FAM168B: variants seen among roughly 807,000 people sequenced by gnomAD.
The protein encoded by FAM168B is myelin-associated neurite-outgrowth inhibitor.
Under a neutral mutation model 21.8 loss-of-function variants are expected in FAM168B, and 19 were observed. The ratio of observed to expected loss-of-function variants is 0.87; its 90% confidence interval spans 0.61 to 1.28. The LOEUF is 1.28. Among genes scored for constraint, FAM168B ranks in the 50% most tolerant of loss-of-function variants. FAM168B has a pLI of 0.00. For missense variants in FAM168B, 233 were observed against 263.1 expected (o/e 0.89, Z 0.79); for synonymous variants, 126 against 104.8 (o/e 1.20, Z -1.24).
chr2:131,078,071 A>C (rs1045247822), intron 2 of FAM168B, among the ~76,000 whole-genome samples: 4 of 152,210 alleles, frequency 2.6e-5, no homozygotes, highest in Non-Finnish European at 5.9e-5. Context: ...AAAAGAAGAC[A>C]TCATCAGTGA....
At chr2:131,072,038 C>CTG in intron 2 of FAM168B, 100 bp from the exon 3 acceptor site, 1 of 1,040,074 alleles carries the variant, frequency 9.6e-7, no homozygotes, top group East Asian at 2.4e-5. Context: ...CCCCAGAACT[C>CTG]CACAGACTTA....
At chr2:131,089,418 A>G (rs1043939434) in intron 1 of FAM168B, among the ~76,000 whole-genome samples, 1 of 151,988 alleles carries the variant, frequency 6.6e-6, no homozygotes, top group Non-Finnish European at 1.5e-5. Context: ...AATCATAATC[A>G]GAAGAAAACT....
rs1691828279 is a variant in FAM168B, at chr2:131,053,604, CAG to C, written c.476-591_476-590del. Among the ~76,000 whole-genome samples the C allele has an allele frequency of 2.0e-5, 3 of 152,278 alleles. No individual in the cohort carries two copies. In the South Asian group the frequency reaches 6.2e-4, roughly 32 times the overall value. ...AAAAAGGGTTAAGATGGGCTGGGCA[CAG>C]GGGCTCATGTCTGTAATCCCAACAC... is the stretch of plus-strand genomic sequence containing the variant. On this transcript the variant is annotated intron_variant, in intron 5 of 6. Transcript: ENST00000389915.
intron 1 of FAM168B, among the ~76,000 whole-genome samples, chr2:131,088,756 A>C (rs1249405774): frequency 6.6e-6 from 1 of 152,220 alleles, no homozygotes; most frequent in Non-Finnish European, 1.5e-5. Flanking sequence ...AATGCTAATA[A>C]TCTTTACATC....
At position 131,055,574 on chromosome 2, in the gene FAM168B, G is replaced by A; in HGVS notation, c.276C>T (p.Pro92=). 1 of 1,605,498 alleles carries A rather than the reference G, an allele frequency of 6.2e-7. No individual in the cohort carries two copies. The highest frequency in any genetic ancestry group is 8.5e-7 in the Non-Finnish European group (1 of 1,175,632). ...TAVYPVRSAY[P]QQSPYAQQGT... ...ATACCTGTGCATACGGGCTCTGCTG[G>A]GGGTAGGCACTTCGCACAGGGTACA... Residue 92 remains proline (P), a synonymous_variant, in exon 4 of 7, where the codon CCC becomes CCT. Transcript: ENST00000389915.
intron 3 of FAM168B, among the ~76,000 whole-genome samples, chr2:131,061,738 C>T (rs1049835042): frequency 6.0e-5 from 9 of 150,734 alleles, no homozygotes; most frequent in African/African-American, 2.0e-4. Context: ...GCAGAGACTG[C>T]GGCAATGCAC....
At chr2:131,084,770 G>A (rs1166349427) in intron 1 of FAM168B, among the ~76,000 whole-genome samples, 7 of 151,808 alleles carry the variant, frequency 4.6e-5, no homozygotes, top group Admixed American at 2.0e-4. Flanking sequence ...TTTTTTAGAC[G>A]TGGTCTCGCT....
rs1157546667 is a variant in FAM168B, at chr2:131,049,968, T to C, written c.*2497A>G. 1 of 985,396 alleles carries C rather than the reference T, an allele frequency of 1.0e-6. No homozygotes were observed. Among genetic ancestry groups the C allele is most frequent in the Non-Finnish European group, 1.2e-6 (1 of 829,952 alleles). The allele number at this position is 985,396 out of a possible 1,614,324, so 61.0% of individuals were successfully genotyped here. A position where few individuals can be genotyped will look rare whatever the true frequency, so the allele number is the denominator to read the frequency against. ...ATTCTTACCTGATATCTACCTTTCG[T>C]ATCTGACAGCTGACGTCCTAAAAAT... On this transcript the variant is annotated 3_prime_UTR_variant, in exon 7 of 7. Coordinates refer to ENST00000389915, the MANE Select transcript of FAM168B (RefSeq NM_001009993.4).
chr2:131,068,666 T>C (rs1692696179), intron 3 of FAM168B, among the ~76,000 whole-genome samples: 1 of 152,040 alleles, frequency 6.6e-6, no homozygotes, highest in Non-Finnish European at 1.5e-5. Context: ...AGAGCAGTCT[T>C]GGAAAAGGGA....
chr2:131,088,017 G>A (rs954571729), intron 1 of FAM168B, among the ~76,000 whole-genome samples: 1 of 152,138 alleles, frequency 6.6e-6, no homozygotes, highest in African/African-American at 2.4e-5. Flanking sequence ...AGGCCGATGA[G>A]GGCGGATCAC....
intron 3 of FAM168B, among the ~76,000 whole-genome samples, chr2:131,070,482 G>C (rs575286733): frequency 9.8e-5 from 15 of 152,336 alleles, no homozygotes; most frequent in African/African-American, 3.6e-4. Context: ...TTGGAAGACA[G>C]TTTGGCAGTT....
chr2:131,059,694 C>G (rs185029015), intron 3 of FAM168B, among the ~76,000 whole-genome samples: 2 of 152,222 alleles, frequency 1.3e-5, no homozygotes, highest in East Asian at 3.9e-4. Context: ...ACAGTTTAAA[C>G]AAACAAACCC....
intron 2 of FAM168B, among the ~76,000 whole-genome samples, chr2:131,075,137 C>T (rs1693075914): frequency 6.6e-6 from 1 of 152,020 alleles, no homozygotes; most frequent in Non-Finnish European, 1.5e-5. Context: ...ACTGGAAAGA[C>T]CAGGACAGCA....
In FAM168B at chr2:131,051,214, C is replaced by T. The variant is rs367553885; in HGVS notation, c.*1251G>A. 8 of 984,914 alleles carry T rather than the reference C, an allele frequency of 8.1e-6. No individual in the cohort carries two copies. Among genetic ancestry groups the T allele is most frequent in the African/African-American group, 1.7e-5 (1 of 57,168 alleles). The allele number at this position is 984,914 out of a possible 1,614,324, so 61.0% of individuals were successfully genotyped here. ...GCCTCCCCCTCGCCCCATCTCTAAG[C>T]GTCCCCTCCAGCCGGCCTCAGCAGA... On this transcript the variant is annotated 3_prime_UTR_variant, in exon 7 of 7. Coordinates refer to ENST00000389915, the MANE Select transcript of FAM168B (RefSeq NM_001009993.4).
intron 5 of FAM168B, among the ~76,000 whole-genome samples, chr2:131,053,830 G>A (rs1193975576): frequency 6.6e-6 from 1 of 152,030 alleles, no homozygotes; most frequent in Admixed American, 6.6e-5. Flanking sequence ...AACTGTGATC[G>A]CACCACTGCA....
intron 1 of FAM168B, among the ~76,000 whole-genome samples, chr2:131,086,094 A>T (rs1425536554): frequency 6.6e-6 from 1 of 152,192 alleles, no homozygotes; most frequent in Non-Finnish European, 1.5e-5. Flanking sequence ...AGGAATAAAC[A>T]TACTAGCAAC....
At position 131,055,467 on chromosome 2, in the gene FAM168B, A is replaced by G. The variant is rs576151507; in HGVS notation, c.298-18T>C. The stretch of plus-strand genomic sequence containing the variant: ...GTGCCTTGCTGTGGGGAGAAGAGAG[A>G]CAACTGACACAGGGTCCCAGGGCCA... On this transcript the variant is annotated intron_variant, in intron 4 of 6. Coordinates refer to ENST00000389915, the MANE Select transcript of FAM168B (RefSeq NM_001009993.4). 6.2e-7 allele frequency: 1 copy of G among 1,604,600 alleles called. No homozygotes were observed. The highest frequency in any genetic ancestry group is 1.3e-5 in the African/African-American group (1 of 74,342).
intron 2 of FAM168B, among the ~76,000 whole-genome samples, chr2:131,077,408 C>T (rs954843538): frequency 6.6e-6 from 1 of 152,194 alleles, no homozygotes; most frequent in Non-Finnish European, 1.5e-5. Context: ...CCTCCAACTG[C>T]TAACCCTTGC....
chr2:131,071,191 T>C (rs967234098), intron 3 of FAM168B, among the ~76,000 whole-genome samples: 1 of 152,194 alleles, frequency 6.6e-6, no homozygotes, highest in Non-Finnish European at 1.5e-5. Flanking sequence ...GAAGCTACTG[T>C]TGAGGGATAA....
Sources: gnomAD v4.1 joint callset for allele counts (sites outside exome capture counted in the v4.1 genomes callset) on GRCh38, gnomAD v4.1.1 for gene constraint, MANE v1.5 for transcripts, NCBI Gene and HGNC (gene_info 2026-07-23, HGNC 2026-07-21) for gene names.